The following M1AP variants were observed in gnomAD, a reference collection of about 807,000 sequenced individuals.
M1AP encodes the protein meiosis 1 associated protein, also known as meiosis 1 arrest protein.
In M1AP, 39 loss-of-function variants were observed where a neutral mutation model predicts 51.2. The observed-to-expected ratio is 0.76, with a 90% confidence interval of 0.59 to 1.00. The LOEUF (loss-of-function observed/expected upper bound fraction) is 1.00, where lower values mean the gene tolerates loss of function less well. M1AP is among the 50% of genes least tolerant of loss of function. The pLI is 0.00. For missense variants in M1AP, 545 were observed against 641.2 expected (o/e 0.85, Z 1.62); for synonymous variants, 251 against 249.2 (o/e 1.01, Z -0.07).
At chr2:74,588,885 T>G (rs901039333) in intron 4 of M1AP, among the ~76,000 whole-genome samples, 1 of 152,246 alleles carries the variant, frequency 6.6e-6, no homozygotes, top group African/African-American at 2.4e-5. Flanking sequence ...TTCAAGCACT[T>G]ATTAGTTTAC....
intron 3 of M1AP, among the ~76,000 whole-genome samples, chr2:74,607,764 A>G (rs1439273899): frequency 6.6e-6 from 1 of 152,144 alleles, no homozygotes; most frequent in African/African-American, 2.4e-5. Flanking sequence ...GTGAGCCACC[A>G]TGACTGGCCA....
chr2:74,648,014 C>A, intron 1 of M1AP: 2 of 985,502 alleles, frequency 2.0e-6, no homozygotes, highest in Non-Finnish European at 2.4e-6. Flanking sequence ...GGCCTGGGGG[C>A]CCCGCGGAGG....
chr2:74,635,825 C>T (rs1317899656), intron 2 of M1AP, among the ~76,000 whole-genome samples: 1 of 152,016 alleles, frequency 6.6e-6, no homozygotes, highest in Non-Finnish European at 1.5e-5. Flanking sequence ...ACTTTGATTT[C>T]ATTGTGTCAG....
chr2:74,583,910 C>T (rs546481552), intron 4 of M1AP, among the ~76,000 whole-genome samples: 1 of 152,318 alleles, frequency 6.6e-6, no homozygotes, highest in African/African-American at 2.4e-5. Context: ...ATGATAAAAA[C>T]TCTGCCATCT....
chr2:74,586,366 C>T (rs1265426673), intron 4 of M1AP, among the ~76,000 whole-genome samples: 1 of 152,180 alleles, frequency 6.6e-6, no homozygotes, highest in Non-Finnish European at 1.5e-5. Flanking sequence ...AACAGTGACT[C>T]CCTCCTCCTC....
chr2:74,621,143 G>A (rs1322808277), intron 2 of M1AP, among the ~76,000 whole-genome samples: 4 of 151,626 alleles, frequency 2.6e-5, no homozygotes, highest in Admixed American at 1.3e-4. Context: ...TTAGCCAGGC[G>A]TAGTGGCGGG....
rs553423863 is a variant in M1AP at position 74,584,466 on chromosome 2, G to GAA, written c.596-2621_596-2620dup. On this transcript the variant is annotated intron_variant, in intron 4 of 10. Transcript: ENST00000421985. ...TCAGTTGCAAAAAAAAAAAAAAAAA[G>GAA]AAAAAGAAACAGAATTGAGCAAAGG... Among the ~76,000 whole-genome samples the GAA allele has an allele frequency of 9.2e-3, 1,308 of 142,130 alleles. 25 individuals are homozygous for GAA. Among genetic ancestry groups the GAA allele is most frequent in the African/African-American group, 0.032 (1,238 of 38,538 alleles). The allele number at this position is 142,130 out of a possible 152,430, so 93.2% of individuals were successfully genotyped here. A position where few individuals can be genotyped will look rare whatever the true frequency, so the allele number is the denominator to read the frequency against.
chr2:74,586,539 A>C (rs1026449562), intron 4 of M1AP, among the ~76,000 whole-genome samples: 5 of 152,198 alleles, frequency 3.3e-5, no homozygotes, highest in African/African-American at 1.2e-4. Flanking sequence ...GTTATGCTTA[A>C]CTATATCCTC....
At position 74,626,361 on chromosome 2, in the gene M1AP, C is replaced by T. The variant is rs557361604; in HGVS notation, c.241-11212G>A. On this transcript the variant is annotated intron_variant, in intron 2 of 10. Coordinates refer to ENST00000421985, the MANE Select transcript of M1AP (RefSeq NM_001321739.2). ...CATGGCACTGGGCTCAAGGGATCCC[C>T]TCGCCTCAGCCACCTGAGTAGCTAG... Among the ~76,000 whole-genome samples the T allele has an allele frequency of 1.0e-3, 152 of 151,802 alleles. 4 individuals are homozygous for T. Among genetic ancestry groups the T allele is most frequent in the Middle Eastern group, 6.8e-3 (2 of 294 alleles).
chr2:74,586,625 AT>A (rs965061044), intron 4 of M1AP, among the ~76,000 whole-genome samples: 86 of 151,544 alleles, frequency 5.7e-4, no homozygotes, highest in African/African-American at 1.7e-3. Flanking sequence ...CTGCTGATTT[AT>A]TTTTTTTTAA....
chr2:74,565,825 T>TCACACA (rs72206117), intron 7 of M1AP, among the ~76,000 whole-genome samples: 9,170 of 137,972 alleles, frequency 0.066, 448 homozygotes, highest in East Asian at 0.27. Flanking sequence ...TGAGATGCCG[T>TCACACA]CACACACACA....
intron 3 of M1AP, among the ~76,000 whole-genome samples, chr2:74,613,948 C>T (rs1431759981): frequency 6.6e-6 from 1 of 152,188 alleles, no homozygotes; most frequent in African/African-American, 2.4e-5. Flanking sequence ...ACCACCAAGC[C>T]TGGCTAATCT....
At chr2:74,633,393 T>C (rs1490123808) in intron 2 of M1AP, among the ~76,000 whole-genome samples, 1 of 152,210 alleles carries the variant, frequency 6.6e-6, no homozygotes, top group Non-Finnish European at 1.5e-5. Flanking sequence ...TCTCAGTATC[T>C]GATTGGGTTC....
chr2:74,598,705 G>C (rs1446630334), intron 4 of M1AP, among the ~76,000 whole-genome samples: 1 of 148,402 alleles, frequency 6.7e-6, no homozygotes, highest in South Asian at 2.1e-4. Context: ...ATTTATTGTG[G>C]CCTTGACCGC....
rs569237444 is a variant in M1AP, at chr2:74,577,606, C to G, written c.770-988G>C. 4.7e-4 allele frequency among the ~76,000 whole-genome samples: 71 copies of G among 152,290 alleles called. 1 individual carries two copies. The highest frequency in any genetic ancestry group is 1.6e-3 in the African/African-American group (68 of 41,566). On this transcript the variant is annotated intron_variant, in intron 5 of 10. Coordinates refer to ENST00000421985, the MANE Select transcript of M1AP (RefSeq NM_001321739.2). The stretch of plus-strand genomic sequence containing the variant: ...CAGAACAGATGTTAGATCCAGCTGG[C>G]CCTCCTGGGCCCTGTGAATAAGACC...
chr2:74,646,136 G>C (rs1205473940), intron 1 of M1AP, among the ~76,000 whole-genome samples: 2 of 152,194 alleles, frequency 1.3e-5, no homozygotes, highest in Non-Finnish European at 2.9e-5. Context: ...TTCAAAGTCT[G>C]TTGGTGACCC....
intron 3 of M1AP, among the ~76,000 whole-genome samples, chr2:74,612,609 T>C (rs1233459072): frequency 6.6e-6 from 1 of 152,180 alleles, no homozygotes; most frequent in Non-Finnish European, 1.5e-5. Flanking sequence ...CAATGCTAGG[T>C]TGTTTATTTG....
At chr2:74,639,703 T>C (rs1683182654) in intron 2 of M1AP, among the ~76,000 whole-genome samples, 1 of 152,256 alleles carries the variant, frequency 6.6e-6, no homozygotes, top group Admixed American at 6.5e-5. Flanking sequence ...GAGGCTTCCC[T>C]CCTTGTGTGT....
intron 1 of M1AP, among the ~76,000 whole-genome samples, chr2:74,641,999 C>T (rs1359953099): frequency 6.6e-6 from 1 of 151,946 alleles, no homozygotes; most frequent in Non-Finnish European, 1.5e-5. Context: ...GCATGTGCCA[C>T]CATGCCTGGC....
Sources: gnomAD v4.1 joint callset for allele counts (sites outside exome capture counted in the v4.1 genomes callset) on GRCh38, gnomAD v4.1.1 for gene constraint, MANE v1.5 for transcripts, NCBI Gene and HGNC (gene_info 2026-07-23, HGNC 2026-07-21) for gene names.